Variants in IQGAP2 observed in about 807,000 individuals in gnomAD.
IQGAP2 encodes the protein IQ motif containing GTPase activating protein 2, also known as ras GTPase-activating-like protein IQGAP2.
In IQGAP2, 173 loss-of-function variants were observed where a neutral mutation model predicts 201.3. That is an observed-to-expected ratio of 0.86 (90% CI 0.76 to 0.98). IQGAP2 has a LOEUF of 0.98. Ranked by LOEUF, IQGAP2 falls within the 50% of genes least tolerant of loss-of-function variation. The pLI is 0.00. For missense variants in IQGAP2, 1,687 were observed against 1,864.8 expected (o/e 0.90, Z 1.76); for synonymous variants, 675 against 673.9 (o/e 1.00, Z -0.03).
At chr5:76,577,495 C>T (rs968210715) in intron 5 of IQGAP2, among the ~76,000 whole-genome samples, 6 of 152,146 alleles carry the variant, frequency 3.9e-5, no homozygotes, top group African/African-American at 1.4e-4. Flanking sequence ...CAGATCTGAT[C>T]TTAAGTAGGA....
At chr5:76,658,778 T>C in intron 21 of IQGAP2, 111 bp downstream of exon 21, 1 of 920,440 alleles carries the variant, frequency 1.1e-6, no homozygotes, top group Non-Finnish European at 1.7e-6. Context: ...CATTAGGTGA[T>C]TTCATCCTGA....
chr5:76,699,645 CTCTCTCTCT>C (rs1747113478), intron 33 of IQGAP2: 1 of 131,586 alleles, frequency 7.6e-6, no homozygotes, highest in Non-Finnish European at 1.6e-5. Flanking sequence ...CTCTCTCTCT[CTCTCTCTCT>C]CTCTCTCACT....
intron 4 of IQGAP2, among the ~76,000 whole-genome samples, chr5:76,571,307 G>A (rs932515921): frequency 1.8e-4 from 27 of 152,184 alleles, no homozygotes; most frequent in African/African-American, 6.5e-4. Flanking sequence ...AAGTAGCTGG[G>A]AACACAGGCA....
chr5:76,559,858 G>A (rs1382837677), intron 2 of IQGAP2, among the ~76,000 whole-genome samples: 1 of 152,136 alleles, frequency 6.6e-6, no homozygotes, highest in Non-Finnish European at 1.5e-5. Context: ...TGAGTGTGGT[G>A]GGGGTTTGAG....
intron 2 of IQGAP2, among the ~76,000 whole-genome samples, chr5:76,520,170 A>T (rs957413427): frequency 6.6e-6 from 1 of 151,620 alleles, no homozygotes; most frequent in African/African-American, 2.4e-5. Context: ...TATGTTTTAC[A>T]TGTAGGTCTG....
At chr5:76,665,270 A>C in intron 22 of IQGAP2, 95 bp downstream of exon 22, 5 of 1,037,968 alleles carry the variant, frequency 4.8e-6, no homozygotes, top group South Asian at 1.5e-5. Context: ...TTCAGCTATA[A>C]TAGCATACAT....
chr5:76,543,486 A>C (rs566948985), intron 2 of IQGAP2, among the ~76,000 whole-genome samples: 7 of 152,316 alleles, frequency 4.6e-5, no homozygotes, highest in South Asian at 4.1e-4. Flanking sequence ...ACGGCCCTCC[A>C]GCATGTTTCT....
intron 1 of IQGAP2, among the ~76,000 whole-genome samples, chr5:76,428,948 C>A (rs1190193806): frequency 6.6e-6 from 1 of 151,586 alleles, no homozygotes; most frequent in Non-Finnish European, 1.5e-5. Context: ...CATAAATTAG[C>A]CAGGCGTGAT....
At chr5:76,686,690 T>C (rs967691242) in intron 30 of IQGAP2, among the ~76,000 whole-genome samples, 2 of 152,152 alleles carry the variant, frequency 1.3e-5, no homozygotes, top group African/African-American at 4.8e-5. Context: ...TTTGTGTTTT[T>C]AGTAGAGACG....
chr5:76,525,752 C>T (rs1758933905), intron 2 of IQGAP2, among the ~76,000 whole-genome samples: 1 of 152,120 alleles, frequency 6.6e-6, no homozygotes, highest in African/African-American at 2.4e-5. Context: ...TTTAAGAAAA[C>T]ACTTATGGCA....
At chr5:76,571,519 T>G (rs1745117226) in intron 4 of IQGAP2, among the ~76,000 whole-genome samples, 1 of 152,116 alleles carries the variant, frequency 6.6e-6, no homozygotes, top group Non-Finnish European at 1.5e-5. Context: ...ATATCACTTG[T>G]AAAGGCTAGT....
intron 3 of IQGAP2, among the ~76,000 whole-genome samples, chr5:76,562,990 T>A (rs375650998): frequency 6.6e-6 from 1 of 152,244 alleles, no homozygotes; most frequent in Non-Finnish European, 1.5e-5. Context: ...CTAACCACTT[T>A]GTGTACAACT....
intron 12 of IQGAP2, chr5:76,608,784 A>G (rs1004862824): frequency 2.0e-5 from 4 of 200,394 alleles, no homozygotes; most frequent in African/African-American, 9.1e-5. Flanking sequence ...TTTTAACCTT[A>G]TAGCCTACAT....
chr5:76,416,274 C>T (rs1174970784), intron 1 of IQGAP2, among the ~76,000 whole-genome samples: 1 of 152,202 alleles, frequency 6.6e-6, no homozygotes, highest in East Asian at 1.9e-4. Flanking sequence ...GCATTTGCTG[C>T]TTTCGTCACT....
At chr5:76,434,892 C>T (rs1348019587) in intron 1 of IQGAP2, among the ~76,000 whole-genome samples, 1 of 151,908 alleles carries the variant, frequency 6.6e-6, no homozygotes, top group Non-Finnish European at 1.5e-5. Flanking sequence ...TTATTAGTAG[C>T]CATTTTGGCT....
At chr5:76,415,220 TG>T (rs1389624152) in intron 1 of IQGAP2, among the ~76,000 whole-genome samples, 1 of 152,200 alleles carries the variant, frequency 6.6e-6, no homozygotes, top group Non-Finnish European at 1.5e-5. Flanking sequence ...TTGAGAATAA[TG>T]TGGACAAAAT....
At chr5:76,690,685 A>G (rs1424506411) in intron 30 of IQGAP2, among the ~76,000 whole-genome samples, 1 of 152,240 alleles carries the variant, frequency 6.6e-6, no homozygotes, top group Non-Finnish European at 1.5e-5. Flanking sequence ...TTCTAATAAT[A>G]TATTTTATTT....
intron 13 of IQGAP2, chr5:76,618,168 G>A (rs1383989200): frequency 1.2e-6 from 2 of 1,614,052 alleles, no homozygotes; most frequent in Non-Finnish European, 1.7e-6. Flanking sequence ...GAGCAGAATG[G>A]AGCAGTACAT....
At chr5:76,660,282 C>A (rs964307188) in intron 21 of IQGAP2, 7 of 152,296 alleles carry the variant, frequency 4.6e-5, no homozygotes, top group Non-Finnish European at 8.8e-5. Flanking sequence ...CAGAAATAAT[C>A]ATCTCTTCTA....
Sources: allele counts gnomAD v4.1 joint callset (sites outside exome capture counted in the v4.1 genomes callset), GRCh38; gene constraint gnomAD v4.1.1; transcripts MANE v1.5; gene names NCBI Gene and HGNC (gene_info 2026-07-23, HGNC 2026-07-21).